The following MYO7B variants were observed in gnomAD, a reference collection of about 807,000 sequenced individuals.
The protein encoded by MYO7B is unconventional myosin-VIIb.
Under a neutral mutation model 259.7 loss-of-function variants are expected in MYO7B, and 212 were observed. The observed-to-expected ratio is 0.82, with a 90% CI of 0.73 to 0.91. MYO7B has a LOEUF of 0.91. MYO7B is among the 40% of genes least tolerant of loss of function. The probability of loss-of-function intolerance (pLI) is 0.00; values close to 1 mark genes in which losing one functional copy is unlikely to be tolerated. For missense variants in MYO7B, 2,732 were observed against 2,813.5 expected (o/e 0.97, Z 0.66); for synonymous variants, 1,197 against 1,166.4 (o/e 1.03, Z -0.54).
intron 2 of MYO7B, among the ~76,000 whole-genome samples, chr2:127,560,122 G>T (rs573833192): frequency 1.3e-5 from 2 of 151,602 alleles, no homozygotes; most frequent in South Asian, 2.1e-4. Context: ...TGCCTCCTGG[G>T]TTCAAGCGAT....
chr2:127,553,140 A>G (rs1693512999), intron 1 of MYO7B, among the ~76,000 whole-genome samples: 2 of 152,222 alleles, frequency 1.3e-5, no homozygotes, highest in South Asian at 4.1e-4. Flanking sequence ...TTCACTGGAC[A>G]AGTATTGACT....
intron 26 of MYO7B, among the ~76,000 whole-genome samples, chr2:127,619,077 G>A (rs1680709802): frequency 7.1e-6 from 1 of 140,126 alleles, no homozygotes; most frequent in Admixed American, 7.1e-5. Context: ...GTTGGGTTGT[G>A]GGGGCTGGTT....
chr2:127,566,937 AC>A, intron 5 of MYO7B, 110 bp downstream of exon 5: 1 of 1,152,708 alleles, frequency 8.7e-7, no homozygotes. Context: ...CATGGCACAC[AC>A]CCATCTCCAC....
intron 9 of MYO7B, 83 bp downstream of exon 9, chr2:127,578,369 C>A: frequency 6.5e-7 from 1 of 1,541,702 alleles, no homozygotes; most frequent in South Asian, 1.2e-5. Context: ...TAGGGGTTCT[C>A]ACAGGAAGGA....
chr2:127,547,487 A>G (rs565068551), intron 1 of MYO7B, among the ~76,000 whole-genome samples: 1 of 152,308 alleles, frequency 6.6e-6, no homozygotes, highest in African/African-American at 2.4e-5. Context: ...CAGGAACTGC[A>G]TGATATTCAG....
chr2:127,624,792 G>C (rs1176980416), intron 30 of MYO7B, among the ~76,000 whole-genome samples: 1 of 152,216 alleles, frequency 6.6e-6, no homozygotes, highest in Non-Finnish European at 1.5e-5. Context: ...AGGGGATTGT[G>C]AGAAAGCAGA....
At chr2:127,630,174 G>C (rs939957433) in intron 35 of MYO7B, among the ~76,000 whole-genome samples, 1 of 152,214 alleles carries the variant, frequency 6.6e-6, no homozygotes, top group Admixed American at 6.5e-5. Flanking sequence ...CCCAAGACCA[G>C]CCTCTCCGGA....
chr2:127,599,899 T>C (rs1401513648), intron 19 of MYO7B, among the ~76,000 whole-genome samples: 1 of 152,238 alleles, frequency 6.6e-6, no homozygotes, highest in East Asian at 1.9e-4. Context: ...TTTATGTTGC[T>C]GAATGCTATT....
intron 4 of MYO7B, 76 bp from the exon 5 acceptor site, chr2:127,566,567 C>T: frequency 7.1e-7 from 1 of 1,402,924 alleles, no homozygotes; most frequent in Non-Finnish European, 9.4e-7. Context: ...AGAGCCAGAG[C>T]CAAGGCCAAG....
intron 9 of MYO7B, 149 bp from the exon 10 acceptor site, chr2:127,580,597 A>T: frequency 1.4e-6 from 1 of 725,276 alleles, no homozygotes; most frequent in Non-Finnish European, 2.3e-6. Flanking sequence ...GCTCCCTCAA[A>T]GAGAGGACAC....
rs1436524260 is a variant in MYO7B at position 127,615,359 on chromosome 2, G to A, written c.3398+2756G>A. Among the ~76,000 whole-genome samples, 2 of 152,134 alleles carry A rather than the reference G, an allele frequency of 1.3e-5. No homozygotes were observed. Among genetic ancestry groups the A allele is most frequent in the South Asian group, 2.1e-4 (1 of 4,828 alleles). ...CCATCGTTATGAGACAGAACAAAGG[G>A]GGATGAACGTAGAAATGAAAACTGA... On this transcript the variant is annotated intron_variant, in intron 26 of 47. Transcript: ENST00000409816. The surrounding 1 kb of genome is among the most constrained non-coding windows in gnomAD (Gnocchi z 4.4).
chr2:127,608,447 T>C (rs191472316), intron 21 of MYO7B, among the ~76,000 whole-genome samples: 1 of 152,300 alleles, frequency 6.6e-6, no homozygotes, highest in African/African-American at 2.4e-5. Context: ...TTAAGAGCCA[T>C]CTGAGGGTAG....
intron 18 of MYO7B, 29 bp downstream of exon 18, chr2:127,593,673 C>T (rs1202061301): frequency 3.1e-6 from 5 of 1,598,876 alleles, no homozygotes; most frequent in Non-Finnish European, 3.4e-6. Context: ...AGCCAGCTGT[C>T]GGCCTCCTGC....
chr2:127,634,954 G>A (rs1681719127), intron 42 of MYO7B, 166 bp from the exon 43 acceptor site: 2 of 660,704 alleles, frequency 3.0e-6, no homozygotes, highest in Non-Finnish European at 5.3e-6. Context: ...TCCTGGAGAA[G>A]GCAGCCTCTA....
At position 127,612,886 on chromosome 2, in the gene MYO7B, T is replaced by C. The variant is rs139684246; in HGVS notation, c.3398+283T>C. Among the ~76,000 whole-genome samples the C allele has an allele frequency of 2.6e-4, 39 of 152,360 alleles. 1 individual carries two copies. The East Asian group carries it at 7.1e-3, about 28-fold the overall frequency. On this transcript the variant is annotated intron_variant, in intron 26 of 47. Coordinates refer to ENST00000409816, the MANE Select transcript of MYO7B (RefSeq NM_001393586.1). ...GTGCAGGGCCCTGTAAATGAATGGC[T>C]TCCTCATTTATATTATACATTTTGT...
chr2:127,547,126 G>T (rs571058243), intron 1 of MYO7B, among the ~76,000 whole-genome samples: 7 of 151,466 alleles, frequency 4.6e-5, no homozygotes, highest in African/African-American at 9.7e-5. Context: ...CTATCCACCC[G>T]TCCATCAGCC....
At chr2:127,561,586 C>T (rs1678088503) in intron 2 of MYO7B, among the ~76,000 whole-genome samples, 1 of 152,190 alleles carries the variant, frequency 6.6e-6, no homozygotes, top group Non-Finnish European at 1.5e-5. Context: ...GGTTGTTGAG[C>T]CCTCTGTGGT....
In MYO7B at chr2:127,577,925, A is replaced by G. The variant is rs562020578; in HGVS notation, c.850-208A>G. On this transcript the variant is annotated intron_variant, in intron 8 of 47. Coordinates refer to ENST00000409816, the MANE Select transcript of MYO7B (RefSeq NM_001393586.1). This position sits in a 1 kb window ranked among gnomAD's most constrained non-coding sequence, Gnocchi z 5.2. Reference sequence around the variant, plus strand: ...AGAAGTGTGACTTGGCCAAGGTCACACAGTGGCCAAATGCTGGTGCTGGTG... The same window carrying G: ...AGAAGTGTGACTTGGCCAAGGTCACGCAGTGGCCAAATGCTGGTGCTGGTG... Among the ~76,000 whole-genome samples, 12 of 152,388 alleles carry G rather than the reference A, an allele frequency of 7.9e-5. No homozygotes were observed. Among genetic ancestry groups the G allele is most frequent in the African/African-American group, 2.2e-4 (9 of 41,594 alleles).
rs769317062 is a variant in MYO7B at position 127,631,646 on chromosome 2, C to G, written c.5142C>G (p.Pro1714=). The G allele has an allele frequency of 5.0e-6, 8 of 1,613,082 alleles. No homozygotes were observed. The Admixed American group carries it at 1.3e-4, about 27-fold the overall frequency. The change falls in exon 38 of 48, where the codon CCC becomes CCG. Residue 1714 remains proline (P), a synonymous_variant. Transcript: ENST00000409816. ...MGDYPSRQAW[P]TLELTDQIFT... ...ACTACCCTTCTCGGCAGGCCTGGCC[C>G]ACCCTGGAGCTCACCGACCAGATCT...
Sources: gnomAD v4.1 joint callset for allele counts (sites outside exome capture counted in the v4.1 genomes callset) on GRCh38, gnomAD v4.1.1 for gene constraint, Gnocchi (gnomAD v3.1) non-coding constraint, MANE v1.5 for transcripts, NCBI Gene and HGNC (gene_info 2026-07-23, HGNC 2026-07-21) for gene names.